The following PCLO variants were observed in gnomAD, a reference collection of about 807,000 sequenced individuals.
PCLO encodes piccolo presynaptic cytomatrix protein, also known as protein piccolo.
PCLO carries 82 observed loss-of-function variants against 427.5 expected under a neutral mutation model. That is an observed-to-expected ratio of 0.19 (90% confidence interval 0.16 to 0.23). The LOEUF (loss-of-function observed/expected upper bound fraction) is 0.23. Ranked by LOEUF, PCLO falls within the 10% of genes least tolerant of loss-of-function variation. The pLI is 1.00. For missense variants in PCLO, 6,239 were observed against 6,115.9 expected (o/e 1.02, Z -0.67); for synonymous variants, 2,357 against 2,155.4 (o/e 1.09, Z -2.59).
intron 10 of PCLO, among the ~76,000 whole-genome samples, chr7:82,877,760 C>T (rs1047260047): frequency 1.3e-5 from 2 of 152,044 alleles, no homozygotes; most frequent in Non-Finnish European, 1.5e-5. Flanking sequence ...CCGCCTCCCA[C>T]GTTCAAGCCA....
At position 82,824,219 on chromosome 7, in the gene PCLO, A is replaced by AT; in HGVS notation, c.14596+16_14596+17insA. The AT allele has an allele frequency of 6.4e-7, 1 of 1,558,650 alleles. No individual in the cohort carries two copies. Among genetic ancestry groups the AT allele is most frequent in the Non-Finnish European group, 8.7e-7 (1 of 1,150,176 alleles). ...AATAGACACAAAACTTTTTCTACTT[A>AT]AAAAAATATTTCCTACCCTTTGATG... On this transcript the variant is annotated intron_variant, in intron 19 of 24. Coordinates refer to ENST00000333891, the MANE Select transcript of PCLO (RefSeq NM_033026.6).
intron 20 of PCLO, among the ~76,000 whole-genome samples, chr7:82,811,930 TTA>T (rs553112737): frequency 6.6e-6 from 1 of 150,896 alleles, no homozygotes; most frequent in African/African-American, 2.4e-5. Context: ...CAGATATATT[TTA>T]TATATATATG....
chr7:82,887,849 C>T (rs528947851), intron 9 of PCLO, among the ~76,000 whole-genome samples: 1 of 152,212 alleles, frequency 6.6e-6, no homozygotes, highest in African/African-American at 2.4e-5. Context: ...GCGGGCTAAT[C>T]ACGAGGTCAA....
intron 22 of PCLO, among the ~76,000 whole-genome samples, chr7:82,790,189 C>G (rs1791072960): frequency 6.6e-6 from 1 of 152,122 alleles, no homozygotes; most frequent in South Asian, 2.1e-4. Context: ...AAGATCCTCT[C>G]TAACCCATCC....
chr7:82,954,945 G>T lies in PCLO; in HGVS notation c.6008C>A (p.Pro2003His), dbSNP rs1365160982. Residue 2003 changes from proline to histidine, a missense_variant, in exon 5 of 25, where the codon CCT becomes CAT. Pro to His is a moderately conservative substitution (Grantham distance 77, BLOSUM62 -2). Around this residue, in one of 5 missense-constraint regions of PCLO, gnomAD observed 4,677 missense variants for 4,468.4 expected, o/e 1.05. Transcript: ENST00000333891. The stretch of plus-strand genomic sequence containing the variant: ...CTGGAGGTCTGTAATTTTCTGCATA[G>T]GATCTTCATAAATCTGTTCTGAAAG... ...IRLSEQIYED[P>H]MQKITDLQKE... 26 of 1,613,508 alleles carry T rather than the reference G, an allele frequency of 1.6e-5. No homozygotes were observed. Among genetic ancestry groups the T allele is most frequent in the Non-Finnish European group, 2.1e-5 (25 of 1,179,824 alleles).
In PCLO at chr7:83,155,613, G is replaced by A. The variant is rs1019864487; in HGVS notation, c.1028C>T (p.Ala343Val). 2 of 1,593,440 alleles carry A rather than the reference G, an allele frequency of 1.3e-6. No homozygotes were observed. Among genetic ancestry groups the A allele is most frequent in the South Asian group, 1.1e-5 (1 of 87,406 alleles). Residue 343 changes from alanine to valine, a missense_variant, in exon 2 of 25, where the codon GCT becomes GTT. By Grantham distance (64) the Ala-to-Val change is moderately conservative (BLOSUM62 0). Around this residue, in one of 5 missense-constraint regions of PCLO, gnomAD observed 4,677 missense variants for 4,468.4 expected, o/e 1.05. Coordinates refer to ENST00000333891, the MANE Select transcript of PCLO (RefSeq NM_033026.6). The stretch of plus-strand genomic sequence containing the variant: ...GGGTTTCACTGTCCCTGGTTGTTGA[G>A]CCAATGGCTTTGTTAGCCCTGAGGG... ...AQPSGLTKPL[A>V]QQPGTVKPPV...
chr7:82,916,282 A>G lies in PCLO; in HGVS notation c.11704T>C (p.Ser3902Pro). 6.2e-7 allele frequency: 1 copy of G among 1,613,672 alleles called. No individual in the cohort carries two copies. The highest frequency in any genetic ancestry group is 8.5e-7 in the Non-Finnish European group (1 of 1,179,714). The change falls in exon 7 of 25, where the codon TCA becomes CCA. Residue 3902 changes from serine to proline, a missense_variant. Ser to Pro is a moderately conservative substitution (Grantham distance 74, BLOSUM62 -1). Transcript: ENST00000333891. ...SPALPTQAPT[S>P]YTQQSHFEQQ... is the part of the protein sequence containing the mutation. ...TCAAAATGAGACTGTTGAGTGTATG[A>G]GGTGGGTGCTTGGGTAGGAAGAGCA...
At chr7:83,086,528 CCTGA>C (rs1790237067) in intron 3 of PCLO, among the ~76,000 whole-genome samples, 1 of 151,962 alleles carries the variant, frequency 6.6e-6, no homozygotes, top group Non-Finnish European at 1.5e-5. Flanking sequence ...TATATTAATA[CCTGA>C]CTGTTTTTTA....
intron 16 of PCLO, among the ~76,000 whole-genome samples, chr7:82,831,959 G>C (rs1004171599): frequency 2.0e-5 from 3 of 152,122 alleles, no homozygotes; most frequent in African/African-American, 7.2e-5. Flanking sequence ...AAAATCTGTG[G>C]AGTTGAAGGT....
At chr7:82,764,595 T>C (rs1790495347) in intron 22 of PCLO, among the ~76,000 whole-genome samples, 1 of 151,872 alleles carries the variant, frequency 6.6e-6, no homozygotes, top group Admixed American at 6.6e-5. Flanking sequence ...AAAATACAGA[T>C]ATTGGCAAGT....
At chr7:82,822,304 T>C (rs11549157) in intron 20 of PCLO, 191 bp downstream of exon 20, 56 of 1,429,158 alleles carry the variant, frequency 3.9e-5, no homozygotes, top group Non-Finnish European at 5.1e-5. Flanking sequence ...TCAGTCTATG[T>C]AAATAAAAAA....
At chr7:83,003,335 G>A (rs911820095) in intron 3 of PCLO, among the ~76,000 whole-genome samples, 1 of 151,254 alleles carries the variant, frequency 6.6e-6, no homozygotes, top group African/African-American at 2.4e-5. Flanking sequence ...AATATTCCCT[G>A]TGTTTATAGT....
chr7:83,161,207 A>G (rs1006501006), intron 1 of PCLO, among the ~76,000 whole-genome samples: 1 of 150,470 alleles, frequency 6.6e-6, no homozygotes, highest in African/African-American at 2.4e-5. Flanking sequence ...TGGCAAAATT[A>G]TGCTTACGTG....
chr7:83,030,800 C>A (rs1206252478), intron 3 of PCLO, among the ~76,000 whole-genome samples: 1 of 152,142 alleles, frequency 6.6e-6, no homozygotes, highest in African/African-American at 2.4e-5. Flanking sequence ...CCTGCACAGC[C>A]TCTTCAAGTA....
chr7:82,976,312 G>A (rs1489288594), intron 3 of PCLO, among the ~76,000 whole-genome samples: 3 of 152,128 alleles, frequency 2.0e-5, no homozygotes, highest in Non-Finnish European at 4.4e-5. Flanking sequence ...GTTCCAGCTT[G>A]TCCATCCTCT....
At chr7:83,087,087 A>G (rs1255978713) in intron 3 of PCLO, among the ~76,000 whole-genome samples, 7 of 108,760 alleles carry the variant, frequency 6.4e-5, no homozygotes, top group African/African-American at 1.1e-4. Context: ...GGGAAGGGGG[A>G]GGGAGGGAAA....
chr7:82,926,281 T>C (rs940090093), intron 6 of PCLO, among the ~76,000 whole-genome samples: 2 of 152,148 alleles, frequency 1.3e-5, no homozygotes, highest in South Asian at 2.1e-4. Flanking sequence ...TATGGGTCTA[T>C]GTTTGAGGTA....
chr7:83,162,483 A>C lies in PCLO; in HGVS notation c.110T>G (p.Ile37Ser). ...CAAATCCGCCTCCATGCCGGCCGGGATCGCGGTGTGAGAGGGGCTCCCCGC... is the reference window on the plus strand; with the variant it reads ...CAAATCCGCCTCCATGCCGGCCGGGCTCGCGGTGTGAGAGGGGCTCCCCGC... ...SGAGSPSHTA[I>S]PAGMEADLSQ... is the part of the protein sequence containing the mutation. Residue 37 changes from isoleucine (I) to serine (S), a missense_variant, in exon 1 of 25, where the codon ATC becomes AGC. Ile to Ser is a moderately radical substitution (Grantham distance 142). This residue lies in a region of PCLO where 4,677 missense variants were observed against 4,468.4 expected (regional missense o/e 1.05). Coordinates refer to ENST00000333891, the MANE Select transcript of PCLO (RefSeq NM_033026.6). 1 of 1,579,004 alleles carries C rather than the reference A, an allele frequency of 6.3e-7. No individual in the cohort carries two copies.
rs370681449 is a variant in PCLO, at chr7:82,902,696, C to T, written c.13483G>A (p.Ala4495Thr). ...GAGTCTCTTGTTATTTTTATCCTTG[C>T]GTGAGGAAAGATGTAGTGCATAGTT... Reference protein sequence around the residue: ...GKTMHYIFPHARIKITRDSKD... With the variant: ...GKTMHYIFPHTRIKITRDSKD... The change falls in exon 9 of 25, where the codon GCA becomes ACA. Residue 4495 changes from alanine to threonine, a missense_variant. Physicochemically the swap from Ala to Thr is moderately conservative, Grantham distance 58 (BLOSUM62 0). Coordinates refer to ENST00000333891, the MANE Select transcript of PCLO (RefSeq NM_033026.6). 118 of 1,601,422 alleles carry T rather than the reference C, an allele frequency of 7.4e-5. No individual in the cohort carries two copies. The highest frequency in any genetic ancestry group is 9.2e-5 in the Non-Finnish European group (108 of 1,169,800).
Sources: allele counts gnomAD v4.1 joint callset (sites outside exome capture counted in the v4.1 genomes callset), GRCh38; gene constraint gnomAD v4.1.1; regional missense constraint gnomAD v4.1.1; transcripts MANE v1.5; gene names NCBI Gene and HGNC (gene_info 2026-07-23, HGNC 2026-07-21).